The following MME variants were observed in gnomAD, a reference collection of about 807,000 sequenced individuals.
The protein encoded by MME is neprilysin.
A neutral mutation model predicts 113.2 loss-of-function variants in MME; 98 were observed. That is an observed-to-expected ratio of 0.87 (90% confidence interval 0.74 to 1.02). MME has a LOEUF of 1.02. MME is among the 50% of genes least tolerant of loss of function. The pLI is 0.00. For missense variants in MME, 836 were observed against 896.0 expected (o/e 0.93, Z 0.86); for synonymous variants, 292 against 300.6 (o/e 0.97, Z 0.30).
chr3:155,057,524 A>C (rs1418985630), intron 1 of MME, among the ~76,000 whole-genome samples: 1 of 151,932 alleles, frequency 6.6e-6, no homozygotes, highest in East Asian at 1.9e-4. Flanking sequence ...CAATTGGTTT[A>C]GATGATTGTC....
chr3:155,098,555 C>CAA (rs34979254), intron 3 of MME, among the ~76,000 whole-genome samples: 35 of 137,672 alleles, frequency 2.5e-4, no homozygotes, highest in South Asian at 7.2e-4. Context: ...GATTCTGTCT[C>CAA]AAAAAAAAAA....
At chr3:155,165,121 T>G (rs1435731777) in intron 17 of MME, among the ~76,000 whole-genome samples, 1 of 152,118 alleles carries the variant, frequency 6.6e-6, no homozygotes, top group African/African-American at 2.4e-5. Context: ...ACTTAATAGG[T>G]ATTGATACTG....
intron 8 of MME, among the ~76,000 whole-genome samples, chr3:155,132,371 T>G (rs1419687777): frequency 6.6e-6 from 1 of 152,178 alleles, no homozygotes; most frequent in Admixed American, 6.6e-5. Context: ...AAGATAGTCC[T>G]AACTAGAGTA....
intron 20 of MME, among the ~76,000 whole-genome samples, chr3:155,170,333 C>G (rs1711789854): frequency 1.3e-5 from 2 of 152,216 alleles, no homozygotes; most frequent in Admixed American, 1.3e-4. Context: ...GTGTGAGCCA[C>G]TGTGCCTGAC....
At chr3:155,070,715 AT>A in intron 1 of MME, among the ~76,000 whole-genome samples, 1 of 152,278 alleles carries the variant, frequency 6.6e-6, no homozygotes, top group Admixed American at 6.5e-5. Context: ...TTTGAATATG[AT>A]TTTTTCAAGT....
In MME at chr3:155,172,535, G is replaced by A. The variant is rs1217067826; in HGVS notation, c.2077-1G>A. 1.2e-6 allele frequency: 2 copies of A among 1,608,594 alleles called. No homozygotes were observed. Among genetic ancestry groups the A allele is most frequent in the Non-Finnish European group, 8.5e-7 (1 of 1,175,238 alleles). ...TTTGCTTTTCCTATTCCTATCTCTAGGTGTGGTGTGGAACCTATAGGCCAG... is the reference window on the plus strand; with the variant it reads ...TTTGCTTTTCCTATTCCTATCTCTAAGTGTGGTGTGGAACCTATAGGCCAG... On this transcript the variant is annotated splice_acceptor_variant, in intron 21 of 22. Transcript: ENST00000360490. LOFTEE classifies it high-confidence loss of function.
rs777100005 is a variant in MME at position 155,116,518 on chromosome 3, T to G, written c.398T>G (p.Val133Gly). ...QEPKTEDIVA[V>G]QKAKALYRSC... ...CCCAAAACTGAAGATATAGTAGCAG[T>G]GCAGAAAGCAAAAGCATTGTACAGG... Residue 133 changes from valine (V) to glycine (G), a missense_variant, in exon 5 of 23, where the codon GTG becomes GGG. Coordinates refer to ENST00000360490, the MANE Select transcript of MME (RefSeq NM_007289.4). The G allele has an allele frequency of 2.5e-6, 4 of 1,612,918 alleles. No individual in the cohort carries two copies. The highest frequency in any genetic ancestry group is 3.4e-6 in the Non-Finnish European group (4 of 1,179,256).
In MME at chr3:155,117,003, A is replaced by C; in HGVS notation, c.654+17A>C. 3.0e-6 allele frequency: 4 copies of C among 1,336,316 alleles called. No individual in the cohort carries two copies. The highest frequency in any genetic ancestry group is 4.3e-6 in the Non-Finnish European group (4 of 928,134). The allele number at this position is 1,336,316 out of a possible 1,614,324, so 82.8% of individuals were successfully genotyped here. On this transcript the variant is annotated intron_variant, in intron 7 of 22. Transcript: ENST00000360490. Reference sequence around the variant, plus strand: ...GTAATTCATGTAAGTTTGTGTGTCAAATAACTAAAGTTACCTTTAAATTGT... The same window carrying C: ...GTAATTCATGTAAGTTTGTGTGTCACATAACTAAAGTTACCTTTAAATTGT...
At chr3:155,105,315 G>A (rs1717596556) in intron 3 of MME, among the ~76,000 whole-genome samples, 1 of 152,166 alleles carries the variant, frequency 6.6e-6, no homozygotes, top group South Asian at 2.1e-4. Flanking sequence ...AAGAAAAGCA[G>A]TGGTTGCTCT....
chr3:155,129,412 C>T lies in MME; in HGVS notation c.721-8690C>T, dbSNP rs376387351. 3.9e-5 allele frequency among the ~76,000 whole-genome samples: 6 copies of T among 152,254 alleles called. No individual in the cohort carries two copies. In the East Asian group the frequency reaches 7.7e-4, roughly 20 times the overall value. On this transcript the variant is annotated intron_variant, in intron 8 of 22. Coordinates refer to ENST00000360490, the MANE Select transcript of MME (RefSeq NM_007289.4). The stretch of plus-strand genomic sequence containing the variant: ...CTCCCATAATCTTAAAACCAAACTT[C>T]TTATCGACTATGAAAATAGCCCCCA...
intron 12 of MME, among the ~76,000 whole-genome samples, chr3:155,143,008 T>C (rs1446567095): frequency 1.3e-5 from 2 of 152,156 alleles, no homozygotes; most frequent in Non-Finnish European, 2.9e-5. Context: ...ACTTAGGTTA[T>C]CCTGTTATTC....
chr3:155,109,917 G>T (rs1409501149), intron 3 of MME, among the ~76,000 whole-genome samples: 2 of 152,190 alleles, frequency 1.3e-5, no homozygotes, highest in African/African-American at 2.4e-5. Flanking sequence ...ATGCACCCCT[G>T]CATGGGCCTT....
At chr3:155,147,970 C>T (rs1721647882) in intron 15 of MME, among the ~76,000 whole-genome samples, 1 of 152,130 alleles carries the variant, frequency 6.6e-6, no homozygotes, top group South Asian at 2.1e-4. Context: ...TTGCAAGACC[C>T]AGGGGTCCTT....
intron 1 of MME, among the ~76,000 whole-genome samples, chr3:155,049,511 A>G (rs1413314869): frequency 6.6e-6 from 1 of 152,136 alleles, no homozygotes; most frequent in Admixed American, 6.6e-5. Context: ...TATAGAAAAA[A>G]AAGTTTAGAT....
intron 1 of MME, among the ~76,000 whole-genome samples, chr3:155,030,878 T>C (rs1712947911): frequency 1.3e-5 from 2 of 152,082 alleles, no homozygotes. Flanking sequence ...TGAAAATCTG[T>C]CCATGGAAGA....
intron 16 of MME, among the ~76,000 whole-genome samples, chr3:155,150,691 CTTTTT>C (rs749178712): frequency 2.2e-4 from 34 of 152,158 alleles, no homozygotes; most frequent in Non-Finnish European, 3.7e-4. Flanking sequence ...TACTGGTATT[CTTTTT>C]AAGTACCACC....
intron 16 of MME, among the ~76,000 whole-genome samples, chr3:155,152,837 T>C (rs1409821611): frequency 2.0e-5 from 3 of 150,062 alleles, no homozygotes; most frequent in Admixed American, 2.0e-4. Context: ...AGACACTCCG[T>C]CTCAAAGAAA....
intron 3 of MME, chr3:155,090,303 A>G (rs1197562402): frequency 1.3e-5 from 2 of 152,464 alleles, no homozygotes; most frequent in East Asian, 1.9e-4. Flanking sequence ...TACTTGAAAG[A>G]TATTTTCATC....
At position 155,118,756 on chromosome 3, in the gene MME, C is replaced by T. The variant is rs758881138; in HGVS notation, c.665C>T (p.Pro222Leu). 6.3e-7 allele frequency: 1 copy of T among 1,596,480 alleles called. No individual in the cohort carries two copies. Among genetic ancestry groups the T allele is most frequent in the Non-Finnish European group, 8.6e-7 (1 of 1,165,930 alleles). ...GTATATTTTTTATAGATTGACCAAC[C>T]TCGACTTGGCCTCCCTTCTAGAGAT... ...SVNHVIHIDQ[P>L]RLGLPSRDYY... Residue 222 changes from proline to leucine, a missense_variant, in exon 8 of 23, where the codon CCT becomes CTT. Coordinates refer to ENST00000360490, the MANE Select transcript of MME (RefSeq NM_007289.4).
Sources: gnomAD v4.1 joint callset for allele counts (sites outside exome capture counted in the v4.1 genomes callset) on GRCh38, gnomAD v4.1.1 for gene constraint, MANE v1.5 for transcripts, NCBI Gene and HGNC (gene_info 2026-07-23, HGNC 2026-07-21) for gene names.